RAPGEF5: variants seen among roughly 807,000 people sequenced by gnomAD.
RAPGEF5 encodes Rap guanine nucleotide exchange factor 5, also known as M-Ras-regulated GEF.
Under a neutral mutation model 125.2 loss-of-function variants are expected in RAPGEF5, and 65 were observed. That is an observed-to-expected ratio of 0.52 (90% CI 0.43 to 0.64). The LOEUF (loss-of-function observed/expected upper bound fraction) is 0.64, where lower values mean the gene tolerates loss of function less well. Ranked by LOEUF, RAPGEF5 falls within the 30% of genes least tolerant of loss-of-function variation. The pLI, the probability that RAPGEF5 is intolerant of heterozygous loss-of-function variation, is 0.00. For missense variants in RAPGEF5, 958 were observed against 1,048.1 expected, an observed-to-expected ratio of 0.91 and a Z score of 1.19; for synonymous variants, 391 against 385.9, an observed-to-expected ratio of 1.01 and a Z score of -0.16.
In RAPGEF5 at chr7:22,127,854, G is replaced by C. The variant is rs145946555; in HGVS notation, c.2482-2196C>G. ...ATTATTGGAATATGACCTACTGATT[G>C]AATTGTTGTCATAACCGTATTTCTA... is the stretch of plus-strand genomic sequence containing the variant. On this transcript the variant is annotated intron_variant, in intron 24 of 25. Coordinates refer to ENST00000665637, the MANE Select transcript of RAPGEF5 (RefSeq NM_012294.5). Among the ~76,000 whole-genome samples the C allele has an allele frequency of 1.8e-3, 267 of 152,286 alleles. 1 individual carries two copies. Among genetic ancestry groups the C allele is most frequent in the Non-Finnish European group, 3.5e-3 (238 of 68,016 alleles).
At chr7:22,173,226 A>C (rs531572926) in intron 11 of RAPGEF5, among the ~76,000 whole-genome samples, 28 of 152,358 alleles carry the variant, frequency 1.8e-4, no homozygotes, top group Middle Eastern at 3.4e-3. Flanking sequence ...AGCACAAATA[A>C]AATTTTTTTC....
At chr7:22,154,648 C>A in intron 16 of RAPGEF5, 44 bp from the exon 17 acceptor site, 1 of 1,598,810 alleles carries the variant, frequency 6.3e-7, no homozygotes, top group South Asian at 1.1e-5. Context: ...GAACAGTGGT[C>A]ACGAGGTATA....
At chr7:22,322,000 A>G (rs982731236) in intron 1 of RAPGEF5, among the ~76,000 whole-genome samples, 3 of 152,174 alleles carry the variant, frequency 2.0e-5, no homozygotes, top group African/African-American at 7.2e-5. Context: ...TCCAGTCGTC[A>G]AAGTTGGGGA....
chr7:22,304,967 T>C (rs1209360440), intron 5 of RAPGEF5, among the ~76,000 whole-genome samples: 1 of 152,204 alleles, frequency 6.6e-6, no homozygotes. Context: ...CATAATCATT[T>C]CACCAGAGCT....
chr7:22,161,984 A>G (rs554287841), intron 13 of RAPGEF5, among the ~76,000 whole-genome samples: 118 of 152,372 alleles, frequency 7.7e-4, no homozygotes, highest in Non-Finnish European at 1.9e-4. Context: ...TATCTATTTT[A>G]CAAATTATTG....
intron 20 of RAPGEF5, among the ~76,000 whole-genome samples, chr7:22,142,564 GA>G (rs1298382462): frequency 2.6e-5 from 4 of 151,642 alleles, no homozygotes; most frequent in East Asian, 3.9e-4. Flanking sequence ...AATCTGTTAA[GA>G]AAAAAAAGGA....
At chr7:22,250,894 G>A (rs1222633898) in intron 7 of RAPGEF5, among the ~76,000 whole-genome samples, 2 of 152,048 alleles carry the variant, frequency 1.3e-5, no homozygotes, top group East Asian at 3.9e-4. Flanking sequence ...ATAAAAGAAT[G>A]GAAACTGAGG....
rs144484625 is a variant in RAPGEF5 at position 22,133,253 on chromosome 7, T to G, written c.2417-2152A>C. 6.0e-3 allele frequency among the ~76,000 whole-genome samples: 915 copies of G among 151,820 alleles called. 15 individuals are homozygous for G. The highest frequency in any genetic ancestry group is 0.021 in the African/African-American group (882 of 41,362). On this transcript the variant is annotated intron_variant, in intron 23 of 25. Transcript: ENST00000665637. ...GAAGGTGTCAAGGGTGCTGGCCAGG[T>G]GAGAGGGGAGACAGGCTGGAAGGTG...
At position 22,295,962 on chromosome 7, in the gene RAPGEF5, C is replaced by CATGTTGCT. The variant is rs1160722983; in HGVS notation, c.681-4729_681-4722dup. 3.3e-5 allele frequency among the ~76,000 whole-genome samples: 5 copies of CATGTTGCT among 152,080 alleles called. No homozygotes were observed. The East Asian group carries it at 9.7e-4, about 29-fold the overall frequency. ...AAACTAAGGAGGCCAAGGGATGTCT[C>CATGTTGCT]ATGTTGCTAATAAACATCAGGTAGT... is the stretch of plus-strand genomic sequence containing the variant. On this transcript the variant is annotated intron_variant, in intron 5 of 25. Coordinates refer to ENST00000665637, the MANE Select transcript of RAPGEF5 (RefSeq NM_012294.5).
chr7:22,297,276 T>C (rs1783084382), intron 5 of RAPGEF5, among the ~76,000 whole-genome samples: 1 of 152,184 alleles, frequency 6.6e-6, no homozygotes, highest in Admixed American at 6.5e-5. Context: ...GTGAGGAAAC[T>C]GACCTTAAAT....
intron 9 of RAPGEF5, among the ~76,000 whole-genome samples, chr7:22,215,648 A>G (rs763052481): frequency 1.6e-4 from 25 of 152,342 alleles, no homozygotes; most frequent in Non-Finnish European, 3.4e-4. Context: ...GTATAGTAAC[A>G]CCAACTCAGA....
At chr7:22,319,173 C>G (rs1783664390) in intron 1 of RAPGEF5, among the ~76,000 whole-genome samples, 1 of 152,152 alleles carries the variant, frequency 6.6e-6, no homozygotes, top group Non-Finnish European at 1.5e-5. Context: ...AACAGAGAAA[C>G]TAACATTTAT....
intron 6 of RAPGEF5, among the ~76,000 whole-genome samples, chr7:22,288,530 T>C (rs965312229): frequency 3.3e-5 from 5 of 151,076 alleles, no homozygotes; most frequent in African/African-American, 9.7e-5. Flanking sequence ...TCTTTTCTTT[T>C]TTTTTTTTTT....
chr7:22,310,486 G>A (rs553736991), intron 3 of RAPGEF5, among the ~76,000 whole-genome samples: 59 of 152,274 alleles, frequency 3.9e-4, no homozygotes, highest in African/African-American at 1.2e-3. Context: ...GAAAAACGAA[G>A]GAATAAATTT....
intron 11 of RAPGEF5, among the ~76,000 whole-genome samples, chr7:22,170,286 C>T (rs1218267323): frequency 6.6e-6 from 1 of 152,152 alleles, no homozygotes; most frequent in Non-Finnish European, 1.5e-5. Flanking sequence ...AACTCTTGGC[C>T]TCAGGTGATC....
At chr7:22,238,151 G>A (rs1463419018) in intron 7 of RAPGEF5, among the ~76,000 whole-genome samples, 1 of 152,144 alleles carries the variant, frequency 6.6e-6, no homozygotes, top group Non-Finnish European at 1.5e-5. Context: ...GCCATTGAGG[G>A]CAGGTTAATA....
chr7:22,217,820 T>TA (rs1785677811), intron 9 of RAPGEF5, among the ~76,000 whole-genome samples: 1 of 152,140 alleles, frequency 6.6e-6, no homozygotes, highest in Admixed American at 6.5e-5. Flanking sequence ...ACGCAAGAAG[T>TA]AAAAAATGTT....
At chr7:22,340,098 A>G (rs1329077561) in intron 1 of RAPGEF5, among the ~76,000 whole-genome samples, 1 of 152,150 alleles carries the variant, frequency 6.6e-6, no homozygotes, top group Non-Finnish European at 1.5e-5. Context: ...AACTCCTGAA[A>G]AGGGCATCAA....
At chr7:22,347,703 G>T (rs1412334314) in intron 1 of RAPGEF5, among the ~76,000 whole-genome samples, 1 of 152,100 alleles carries the variant, frequency 6.6e-6, no homozygotes, top group Non-Finnish European at 1.5e-5. Context: ...GTGATCTTAG[G>T]CAACTCAACC....
Sources: gnomAD v4.1 joint callset for allele counts (sites outside exome capture counted in the v4.1 genomes callset) on GRCh38, gnomAD v4.1.1 for gene constraint, MANE v1.5 for transcripts, NCBI Gene and HGNC (gene_info 2026-07-23, HGNC 2026-07-21) for gene names.